Variants in KCNMA1 observed in about 807,000 individuals in gnomAD.
KCNMA1 encodes Calcium-activated potassium channel subunit alpha-1.
Under a neutral mutation model 140.0 loss-of-function variants are expected in KCNMA1, and 29 were observed. The observed-to-expected ratio is 0.21, with a 90% confidence interval of 0.15 to 0.28. The LOEUF is 0.28. Among genes scored for constraint, KCNMA1 ranks in the 10% least tolerant of loss-of-function variants. The pLI is 1.00. For synonymous variants in KCNMA1, 612 were observed against 611.9 expected (o/e 1.00, Z 0.00); for missense variants, 880 against 1,602.2 (o/e 0.55, Z 7.70).
At chr10:77,382,586 C>T (rs748338281) in intron 2 of KCNMA1, among the ~76,000 whole-genome samples, 1 of 151,926 alleles carries the variant, frequency 6.6e-6, no homozygotes, top group Admixed American at 6.6e-5. Flanking sequence ...CAAGTGGGGC[C>T]GGGCATGGTG....
intron 1 of KCNMA1, among the ~76,000 whole-genome samples, chr10:77,615,301 G>A (rs937349327): frequency 3.9e-5 from 6 of 152,166 alleles, no homozygotes; most frequent in Non-Finnish European, 5.9e-5. Context: ...CACCAGGTCC[G>A]TCCTGCTCTG....
At chr10:77,292,616 C>T (rs1221393484) in intron 2 of KCNMA1, among the ~76,000 whole-genome samples, 1 of 152,202 alleles carries the variant, frequency 6.6e-6, no homozygotes, top group East Asian at 1.9e-4. Context: ...CATGATACCA[C>T]CTCCTCTTTT....
chr10:76,968,634 TA>T (rs1376106406), intron 20 of KCNMA1, among the ~76,000 whole-genome samples: 1 of 152,194 alleles, frequency 6.6e-6, no homozygotes, highest in Admixed American at 6.5e-5. Flanking sequence ...ACTGGCATCA[TA>T]AAAACGAAAA....
At chr10:77,616,743 T>G (rs559232357) in intron 1 of KCNMA1, among the ~76,000 whole-genome samples, 31 of 151,782 alleles carry the variant, frequency 2.0e-4, no homozygotes, top group Non-Finnish European at 4.0e-4. Context: ...TAGGTGGAGG[T>G]TGCAGTGAGC....
At chr10:77,145,094 T>C (rs1377673576) in intron 5 of KCNMA1, among the ~76,000 whole-genome samples, 5 of 152,154 alleles carry the variant, frequency 3.3e-5, no homozygotes, top group African/African-American at 1.2e-4. Flanking sequence ...GGTCTCCTAC[T>C]GTAAATAAAA....
chr10:77,104,071 T>G (rs975784477), intron 9 of KCNMA1, among the ~76,000 whole-genome samples: 1 of 152,232 alleles, frequency 6.6e-6, no homozygotes, highest in South Asian at 2.1e-4. Context: ...CTGCGTGATG[T>G]CAGGCAAGTT....
intron 1 of KCNMA1, among the ~76,000 whole-genome samples, chr10:77,473,828 A>G (rs1299028012): frequency 6.6e-6 from 1 of 152,130 alleles, no homozygotes; most frequent in South Asian, 2.1e-4. Context: ...TCCAAATTAG[A>G]TCCTTAATAA....
rs985517880 is a variant in KCNMA1 at position 76,887,379 on chromosome 10, T to C, written c.3598A>G (p.Ser1200Gly). 5.0e-6 allele frequency: 8 copies of C among 1,614,008 alleles called. No homozygotes were observed. Among genetic ancestry groups the C allele is most frequent in the Non-Finnish European group, 5.1e-6 (6 of 1,180,030 alleles). ...SHSSHSSQSS[S>G]KKSSSVHSIP... ...GAGTGAACAGAGGAGCTCTTCTTGCTGGAGGACTGCGACGAGTGGGAGGAA... is the reference window on the plus strand; with the variant it reads ...GAGTGAACAGAGGAGCTCTTCTTGCCGGAGGACTGCGACGAGTGGGAGGAA... Residue 1200 changes from serine to glycine, a missense_variant, in exon 28 of 28, where the codon AGC (serine) becomes GGC (glycine). Coordinates refer to ENST00000286628, the MANE Select transcript of KCNMA1 (RefSeq NM_001161352.2).
At chr10:77,458,788 A>G (rs887020283) in intron 1 of KCNMA1, among the ~76,000 whole-genome samples, 1 of 152,222 alleles carries the variant, frequency 6.6e-6, no homozygotes. Flanking sequence ...CACCCTGTCC[A>G]ACATGGAAGG....
chr10:77,375,737 A>G (rs158205), intron 2 of KCNMA1, among the ~76,000 whole-genome samples: 85,964 of 152,194 alleles, frequency 0.56, 25,044 homozygotes, highest in Non-Finnish European at 0.64. Flanking sequence ...AGTTGCAGAG[A>G]GCTACCTGGC....
intron 2 of KCNMA1, among the ~76,000 whole-genome samples, chr10:77,354,988 T>C (rs550600604): frequency 6.6e-6 from 1 of 152,342 alleles, no homozygotes; most frequent in East Asian, 1.9e-4. Flanking sequence ...AAATCTCATC[T>C]TGAATTGTAT....
intron 14 of KCNMA1, among the ~76,000 whole-genome samples, chr10:77,049,729 T>C (rs1476259716): frequency 3.3e-5 from 5 of 152,204 alleles, no homozygotes; most frequent in African/African-American, 7.2e-5. Context: ...AATAACTTCA[T>C]AGCGTTTAGT....
intron 15 of KCNMA1, among the ~76,000 whole-genome samples, chr10:77,037,959 C>T (rs2094442031): frequency 6.6e-6 from 1 of 152,150 alleles, no homozygotes; most frequent in Admixed American, 6.5e-5. Context: ...CAAAGAAAGG[C>T]ACACATGGGA....
intron 2 of KCNMA1, among the ~76,000 whole-genome samples, chr10:77,298,584 C>G (rs1326082169): frequency 1.3e-5 from 2 of 148,978 alleles, no homozygotes; most frequent in Non-Finnish European, 3.0e-5. Context: ...CACTGCAGAT[C>G]TATGGTGATA....
chr10:77,157,302 C>T (rs189211703), intron 5 of KCNMA1, among the ~76,000 whole-genome samples: 13 of 152,222 alleles, frequency 8.5e-5, no homozygotes, highest in Admixed American at 7.2e-4. Flanking sequence ...ATTAGCCGGG[C>T]ATGGTGGCAA....
chr10:77,357,328 T>A (rs2093581133), intron 2 of KCNMA1, among the ~76,000 whole-genome samples: 1 of 152,336 alleles, frequency 6.6e-6, no homozygotes, highest in East Asian at 1.9e-4. Context: ...AGTTAACAGA[T>A]CCTGGCACCC....
chr10:77,573,357 C>T (rs1018835086), intron 1 of KCNMA1, among the ~76,000 whole-genome samples: 2 of 152,114 alleles, frequency 1.3e-5, no homozygotes, highest in African/African-American at 4.8e-5. Context: ...ATAGGTCAGA[C>T]ATGACCCAGG....
intron 1 of KCNMA1, among the ~76,000 whole-genome samples, chr10:77,520,911 C>T (rs1041519596): frequency 6.6e-6 from 1 of 152,230 alleles, no homozygotes; most frequent in Non-Finnish European, 1.5e-5. Flanking sequence ...CTTCTCCTAA[C>T]AACCCCAGCT....
At chr10:77,201,003 G>A (rs1292195037) in intron 3 of KCNMA1, among the ~76,000 whole-genome samples, 1 of 152,124 alleles carries the variant, frequency 6.6e-6, no homozygotes, top group Non-Finnish European at 1.5e-5. Flanking sequence ...TGTTGGACTG[G>A]TTTTCTCTCA....
Sources: gnomAD v4.1 joint callset for allele counts (sites outside exome capture counted in the v4.1 genomes callset) on GRCh38, gnomAD v4.1.1 for gene constraint, MANE v1.5 for transcripts, NCBI Gene and HGNC (gene_info 2026-07-23, HGNC 2026-07-21) for gene names.